Variants in NEDD4L observed in about 807,000 individuals in gnomAD.
NEDD4L encodes the protein NEDD4 like E3 ubiquitin protein ligase.
A neutral mutation model predicts 148.9 loss-of-function variants in NEDD4L; 54 were observed. That is an observed-to-expected ratio of 0.36 (90% CI 0.29 to 0.45). NEDD4L has a LOEUF of 0.45. Ranked by LOEUF, NEDD4L falls within the 20% of genes least tolerant of loss-of-function variation. The pLI is 1.00. For missense variants in NEDD4L, 856 were observed against 1,233.8 expected (o/e 0.69, Z 4.59); for synonymous variants, 433 against 440.7 (o/e 0.98, Z 0.22).
rs561559963 is a variant in NEDD4L, at chr18:58,306,261, C to A, written c.298-9721C>A. Among the ~76,000 whole-genome samples, 56 of 150,450 alleles carry A rather than the reference C, an allele frequency of 3.7e-4. 1 individual carries two copies. The East Asian group carries it at 0.011, about 29-fold the overall frequency. On this transcript the variant is annotated intron_variant, in intron 5 of 30. Transcript: ENST00000400345. The stretch of plus-strand genomic sequence containing the variant: ...GCTGTGCATGCTCCAGTTTGAAGAG[C>A]TCTGCTTTAAAAGATATCAGGGGTG...
intron 19 of NEDD4L, chr18:58,359,858 C>G (rs1347725189): frequency 6.6e-6 from 1 of 152,306 alleles, no homozygotes; most frequent in Admixed American, 6.5e-5. Flanking sequence ...TCCAGTGCCC[C>G]CTCAGGTTTG....
intron 1 of NEDD4L, among the ~76,000 whole-genome samples, chr18:58,147,474 C>T (rs1392266197): frequency 6.6e-6 from 1 of 152,184 alleles, no homozygotes; most frequent in Non-Finnish European, 1.5e-5. Flanking sequence ...TTTGTCTAGC[C>T]TCTGCTGCTT....
intron 1 of NEDD4L, among the ~76,000 whole-genome samples, chr18:58,068,099 A>G (rs868052562): frequency 2.0e-5 from 3 of 152,024 alleles, no homozygotes; most frequent in Middle Eastern, 6.9e-3. Context: ...AGCTGGGACT[A>G]CAGACATGTG....
rs369853521 is a variant in NEDD4L, at chr18:58,174,255, G to A, written c.122+8394G>A. Among the ~76,000 whole-genome samples the A allele has an allele frequency of 1.1e-4, 16 of 152,104 alleles. No individual in the cohort carries two copies. The East Asian group carries it at 1.2e-3, about 11-fold the overall frequency. ...TTTTTATGGGCTCAGAATAGGGGAGGGGCAGGCTGCAGGTAGTATTGGAAA... is the reference window on the plus strand; with the variant it reads ...TTTTTATGGGCTCAGAATAGGGGAGAGGCAGGCTGCAGGTAGTATTGGAAA... On this transcript the variant is annotated intron_variant, in intron 2 of 30. Transcript: ENST00000400345.
intron 5 of NEDD4L, among the ~76,000 whole-genome samples, chr18:58,267,778 G>A (rs1346286667): frequency 6.6e-6 from 1 of 152,120 alleles, no homozygotes; most frequent in Non-Finnish European, 1.5e-5. Context: ...CTTCTGATTT[G>A]CAGATTGCAT....
intron 25 of NEDD4L, 69 bp downstream of exon 25, chr18:58,383,388 C>G (rs2048593905): frequency 2.4e-6 from 2 of 846,000 alleles, no homozygotes; most frequent in Admixed American, 4.2e-5. Context: ...CTGTCCCTTG[C>G]TGAAACAGCT....
chr18:58,164,246 C>A (rs2036576150), intron 1 of NEDD4L, among the ~76,000 whole-genome samples: 2 of 152,088 alleles, frequency 1.3e-5, no homozygotes, highest in South Asian at 4.1e-4. Flanking sequence ...CCCACAGAAG[C>A]CTTTTGCTGC....
intron 1 of NEDD4L, among the ~76,000 whole-genome samples, chr18:58,060,242 A>G (rs2082270618): frequency 6.6e-6 from 1 of 152,182 alleles, no homozygotes; most frequent in Admixed American, 6.5e-5. Flanking sequence ...GACCTCATCA[A>G]GGAGCTGGGA....
intron 1 of NEDD4L, among the ~76,000 whole-genome samples, chr18:58,163,784 G>A (rs1273518520): frequency 1.3e-5 from 2 of 152,184 alleles, no homozygotes; most frequent in East Asian, 3.8e-4. Context: ...CCTGGAATGT[G>A]AAGTATCTCA....
At chr18:58,195,391 C>A in intron 2 of NEDD4L, 1 of 1,247,666 alleles carries the variant, frequency 8.0e-7, no homozygotes, top group Non-Finnish European at 1.0e-6. Flanking sequence ...TGATGAGGCA[C>A]TTCCGTGTTC....
At chr18:58,149,706 C>T (rs2034478341) in intron 1 of NEDD4L, 2 of 673,084 alleles carry the variant, frequency 3.0e-6, no homozygotes, top group African/African-American at 3.6e-5. Context: ...ACATAATTGA[C>T]CTGATTACTT....
intron 1 of NEDD4L, among the ~76,000 whole-genome samples, chr18:58,133,309 C>A (rs1568263981): frequency 6.6e-6 from 1 of 152,176 alleles, no homozygotes; most frequent in Non-Finnish European, 1.5e-5. Context: ...CCACTGCTCC[C>A]CTGTTTACAT....
chr18:58,170,352 C>G (rs1442896052), intron 2 of NEDD4L, among the ~76,000 whole-genome samples: 72 of 133,960 alleles, frequency 5.4e-4, no homozygotes, highest in African/African-American at 1.9e-3. Context: ...CACCCCAGCC[C>G]AAGAGGACAG....
rs534896392 is a variant in NEDD4L at position 58,242,721 on chromosome 18, G to A, written c.123-2706G>A. 2.6e-5 allele frequency among the ~76,000 whole-genome samples: 4 copies of A among 152,106 alleles called. No individual in the cohort carries two copies. The South Asian group carries it at 8.4e-4, about 32-fold the overall frequency. On this transcript the variant is annotated intron_variant, in intron 2 of 30. Transcript: ENST00000400345. ...GGGTTTCGCCATGTTGCCCAGGCTG[G>A]TCTTGAACCCCCGGGCTCAAGCGAT... is the stretch of plus-strand genomic sequence containing the variant.
At chr18:58,394,058 G>A (rs911217227) in intron 30 of NEDD4L, among the ~76,000 whole-genome samples, 4 of 152,180 alleles carry the variant, frequency 2.6e-5, no homozygotes, top group African/African-American at 9.7e-5. Context: ...ACGTGAGGAC[G>A]CTGAAGCCCT....
chr18:58,232,205 T>C (rs2045326242), intron 2 of NEDD4L, among the ~76,000 whole-genome samples: 1 of 152,198 alleles, frequency 6.6e-6, no homozygotes, highest in East Asian at 1.9e-4. Context: ...CTCTACTAAT[T>C]ATTACAGAGC....
intron 2 of NEDD4L, among the ~76,000 whole-genome samples, chr18:58,180,241 C>T (rs917805471): frequency 2.6e-5 from 4 of 152,212 alleles, no homozygotes; most frequent in Non-Finnish European, 4.4e-5. Context: ...AGAACCACCC[C>T]CTTCTCCCTC....
intron 23 of NEDD4L, chr18:58,371,476 GCACA>G (rs968692383): frequency 2.0e-5 from 3 of 152,112 alleles, no homozygotes; most frequent in Admixed American, 6.5e-5. Context: ...CCACACGCCA[GCACA>G]CACACAGGGC....
chr18:58,182,345 T>A (rs2038953819), intron 2 of NEDD4L, among the ~76,000 whole-genome samples: 1 of 152,062 alleles, frequency 6.6e-6, no homozygotes, highest in Admixed American at 6.6e-5. Context: ...ATGCATGTCT[T>A]CAGTGGGACA....
Sources: allele counts gnomAD v4.1 joint callset (sites outside exome capture counted in the v4.1 genomes callset), GRCh38; gene constraint gnomAD v4.1.1; transcripts MANE v1.5; gene names NCBI Gene and HGNC (gene_info 2026-07-23, HGNC 2026-07-21).